AP4E1: variants seen among roughly 807,000 people sequenced by gnomAD.
The protein encoded by AP4E1 is adaptor related protein complex 4 subunit epsilon 1, also known as AP-4 complex subunit epsilon-1.
AP4E1 carries 56 observed loss-of-function variants against 128.2 expected under a neutral mutation model. That is an observed-to-expected ratio of 0.44 (90% CI 0.35 to 0.55). AP4E1 has a LOEUF of 0.55. Among genes scored for constraint, AP4E1 ranks in the 20% least tolerant of loss-of-function variants. AP4E1 has a pLI of 0.00. For synonymous variants in AP4E1, 484 were observed against 473.1 expected (o/e 1.02, Z -0.30); for missense variants, 1,324 against 1,307.7 (o/e 1.01, Z -0.19).
chr15:50,908,641 C>T, upstream of AP4E1: 1 of 1,141,776 alleles, frequency 8.8e-7, no homozygotes, highest in East Asian at 3.2e-5. Context: ...TGAACTTGTT[C>T]AGGTGGGACG....
chr15:51,002,453 G>C (rs1364942859), intron 20 of AP4E1, 49 bp from the exon 21 acceptor site: 2 of 1,595,158 alleles, frequency 1.3e-6, no homozygotes, highest in Non-Finnish European at 1.7e-6. Flanking sequence ...AGAAATGTCT[G>C]TTTAACTCCT....
chr15:50,949,920 C>G lies in AP4E1; in HGVS notation c.1411C>G (p.Leu471Val). 1 of 1,613,120 alleles carries G rather than the reference C, an allele frequency of 6.2e-7. No individual in the cohort carries two copies. The highest frequency in any genetic ancestry group is 8.5e-7 in the Non-Finnish European group (1 of 1,179,208). The stretch of plus-strand genomic sequence containing the variant: ...GCATCCTGATATTCCCAATAACTTT[C>G]TGAGACTACTAGCGGAAGGTTGGTA... ...VMHPDIPNNF[L>V]RLLAEGFDDE... is the part of the protein sequence containing the mutation. The change falls in exon 12 of 21, where the codon CTG (leucine) becomes GTG (valine). Residue 471 changes from leucine (L) to valine (V), a missense_variant. By Grantham distance (32) the Leu-to-Val change is conservative (BLOSUM62 1). Coordinates refer to ENST00000261842, the MANE Select transcript of AP4E1 (RefSeq NM_007347.5).
chr15:50,977,374 A>G (rs1021521837), intron 15 of AP4E1, among the ~76,000 whole-genome samples: 2 of 152,192 alleles, frequency 1.3e-5, no homozygotes, highest in Non-Finnish European at 2.9e-5. Context: ...CCCCAAGCTT[A>G]TGCAGTCCTT....
At chr15:50,949,397 A>G (rs2064113469) in intron 11 of AP4E1, among the ~76,000 whole-genome samples, 1 of 150,044 alleles carries the variant, frequency 6.7e-6, no homozygotes, top group South Asian at 2.1e-4. Flanking sequence ...TTGGCGACAG[A>G]GCAAGATTCT....
intron 17 of AP4E1, among the ~76,000 whole-genome samples, chr15:50,996,609 T>C (rs1421928091): frequency 6.6e-6 from 1 of 151,778 alleles, no homozygotes. Flanking sequence ...GGAGTGGAGG[T>C]GGAGAGTAGT....
At position 50,997,326 on chromosome 15, in the gene AP4E1, C is replaced by T. The variant is rs2064889464; in HGVS notation, c.2347C>T (p.Leu783=). Residue 783 remains leucine (L), a splice_region_variant and synonymous_variant, in exon 18 of 21, where the codon CTG becomes TTG. Coordinates refer to ENST00000261842, the MANE Select transcript of AP4E1 (RefSeq NM_007347.5). ...GLGSESTINL[L]GKADTVSHKF... is the part of the protein sequence containing the mutation. ...ATATTATTATGTTTTATTTTTGCAG[C>T]TGGGAAAAGCAGATACTGTCTCTCA... 1.3e-6 allele frequency: 2 copies of T among 1,585,750 alleles called. No homozygotes were observed. Among genetic ancestry groups the T allele is most frequent in the African/African-American group, 1.4e-5 (1 of 72,972 alleles).
chr15:50,983,899 T>G, intron 15 of AP4E1, 123 bp from the exon 16 acceptor site: 1 of 899,564 alleles, frequency 1.1e-6, no homozygotes, highest in Non-Finnish European at 1.7e-6. Context: ...ATCCTCAAAG[T>G]CCTTTAGAGT....
chr15:50,946,223 A>T (rs1276789443), intron 10 of AP4E1, among the ~76,000 whole-genome samples: 2 of 152,188 alleles, frequency 1.3e-5, no homozygotes, highest in South Asian at 4.1e-4. Flanking sequence ...CAGTATTTGC[A>T]ACTAACTCAT....
intron 16 of AP4E1, among the ~76,000 whole-genome samples, chr15:50,986,776 G>T (rs1334901613): frequency 4.0e-5 from 6 of 151,874 alleles, no homozygotes; most frequent in Non-Finnish European, 7.4e-5. Context: ...TCTCTTTTTT[G>T]GTTGTGTCTC....
chr15:50,997,922 T>C (rs2064902892), intron 18 of AP4E1, 39 bp downstream of exon 18: 1 of 1,494,140 alleles, frequency 6.7e-7, no homozygotes, highest in Non-Finnish European at 9.1e-7. Flanking sequence ...TTTCAGTGTA[T>C]ATTTTGTGTT....
chr15:50,977,791 C>A (rs1018216188), intron 15 of AP4E1, among the ~76,000 whole-genome samples: 1 of 145,508 alleles, frequency 6.9e-6, no homozygotes, highest in Non-Finnish European at 1.5e-5. Flanking sequence ...CTCACTGCAA[C>A]CTCCACTTCT....
intron 1 of AP4E1, among the ~76,000 whole-genome samples, chr15:50,909,977 G>A (rs1199563485): frequency 6.9e-6 from 1 of 144,640 alleles, no homozygotes; most frequent in African/African-American, 2.6e-5. Context: ...GAGCTACCCT[G>A]CCCGGCCTTA....
intron 14 of AP4E1, among the ~76,000 whole-genome samples, chr15:50,967,675 G>C (rs936539785): frequency 6.6e-6 from 1 of 152,148 alleles, no homozygotes; most frequent in Non-Finnish European, 1.5e-5. Flanking sequence ...ACAGGATGCC[G>C]TAACATATTT....
At position 50,997,764 on chromosome 15, in the gene AP4E1, G is replaced by A. The variant is rs1204722292; in HGVS notation, c.2785G>A (p.Val929Met). Residue 929 changes from valine to methionine, a missense_variant, in exon 18 of 21, where the codon GTG (valine) becomes ATG (methionine). Coordinates refer to ENST00000261842, the MANE Select transcript of AP4E1 (RefSeq NM_007347.5). ...MEVCNNETISVSSYKIWKDDC... is the reference protein window; with the variant it reads ...MEVCNNETISMSSYKIWKDDC... ...AGTCTGTAATAATGAAACTATATCA[G>A]TGTCTTCTTATAAAATTTGGAAAGA... 2 of 1,611,288 alleles carry A rather than the reference G, an allele frequency of 1.2e-6. No homozygotes were observed. Among genetic ancestry groups the A allele is most frequent in the African/African-American group, 2.7e-5 (2 of 74,714 alleles).
chr15:50,935,916 AT>A (rs1463818977), intron 8 of AP4E1, among the ~76,000 whole-genome samples: 1 of 152,190 alleles, frequency 6.6e-6, no homozygotes, highest in Non-Finnish European at 1.5e-5. Context: ...TTTGTTTTGC[AT>A]GTATGAATGG....
chr15:50,929,665 C>T (rs1346960111), intron 6 of AP4E1, among the ~76,000 whole-genome samples: 2 of 151,874 alleles, frequency 1.3e-5, no homozygotes, highest in Non-Finnish European at 2.9e-5. Context: ...TAGTGTATTG[C>T]CTGAAACCAT....
chr15:50,989,640 G>A (rs1006546119), intron 16 of AP4E1, among the ~76,000 whole-genome samples: 1 of 152,154 alleles, frequency 6.6e-6, no homozygotes, highest in East Asian at 1.9e-4. Context: ...AAAGGGACAA[G>A]GGAAAGAGAC....
chr15:50,947,750 A>G (rs1460135863), intron 10 of AP4E1, among the ~76,000 whole-genome samples: 3 of 152,162 alleles, frequency 2.0e-5, no homozygotes, highest in Admixed American at 2.0e-4. Flanking sequence ...TTTAGTCTCT[A>G]AGTGTTCTGT....
At chr15:50,944,971 C>G (rs1189101089) in intron 10 of AP4E1, 8 of 765,368 alleles carry the variant, frequency 1.0e-5, no homozygotes, top group Admixed American at 9.2e-5. Flanking sequence ...TGTATCCATA[C>G]AATACAAGCA....
Sources: allele counts gnomAD v4.1 joint callset (sites outside exome capture counted in the v4.1 genomes callset), GRCh38; gene constraint gnomAD v4.1.1; transcripts MANE v1.5; gene names NCBI Gene and HGNC (gene_info 2026-07-23, HGNC 2026-07-21).